The following ADRA1A variants were observed in gnomAD, a reference collection of about 807,000 sequenced individuals.
The protein encoded by ADRA1A is adrenoceptor alpha 1A.
Under a neutral mutation model 29.6 loss-of-function variants are expected in ADRA1A, and 31 were observed. The ratio of observed to expected loss-of-function variants is 1.05; its 90% CI spans 0.79 to 1.41. ADRA1A has a LOEUF of 1.41. ADRA1A is among the 40% of genes most tolerant of loss of function. The pLI, the probability that ADRA1A is intolerant of heterozygous loss-of-function variation, is 0.00. For missense variants in ADRA1A, 619 were observed against 601.1 expected, an observed-to-expected ratio of 1.03 and a Z score of -0.31; for synonymous variants, 311 against 254.3, an observed-to-expected ratio of 1.22 and a Z score of -2.12.
At position 26,866,790 on chromosome 8, in the gene ADRA1A, C is replaced by CG. The variant is rs747863054; in HGVS notation, c.-687+145dup. On this transcript the variant is annotated intron_variant, in intron 1 of 2. Coordinates refer to ENST00000380573, the MANE Select transcript of ADRA1A (RefSeq NM_000680.4). This position sits in a 1 kb window ranked among gnomAD's most constrained non-coding sequence, Gnocchi z 5.7. The stretch of plus-strand genomic sequence containing the variant: ...AACTTCGCAGAAGATGTAAGGGAAT[C>CG]GGGGGTGGGGTAGAGGGGCCGGTAT... 4.4e-4 allele frequency: 301 copies of CG among 685,944 alleles called. No homozygotes were observed. The highest frequency in any genetic ancestry group is 4.9e-4 in the Non-Finnish European group (271 of 556,134). 42.5% of individuals were successfully genotyped at this position (685,944 alleles called of 1,614,324 possible).
chr8:26,755,247 T>C (rs146642405), downstream of ADRA1A, among the ~76,000 whole-genome samples: 289 of 151,958 alleles, frequency 1.9e-3, 1 homozygote, highest in Non-Finnish European at 2.8e-3. Context: ...CACTAAGCCT[T>C]GAGAACAAAG....
chr8:26,850,064 G>T (rs1488090855), intron 2 of ADRA1A, among the ~76,000 whole-genome samples: 1 of 63,484 alleles, frequency 1.6e-5, no homozygotes, highest in Non-Finnish European at 3.3e-5. Flanking sequence ...AACAGGGCAG[G>T]TATAGGAATT....
At chr8:26,824,926 T>A (rs1810441115) in intron 2 of ADRA1A, among the ~76,000 whole-genome samples, 1 of 152,210 alleles carries the variant, frequency 6.6e-6, no homozygotes, top group Non-Finnish European at 1.5e-5. Context: ...TATGTCTGCC[T>A]CTTAATCATC....
At chr8:26,760,135 C>T (rs539909871) in intron 2 of ADRA1A, among the ~76,000 whole-genome samples, 9 of 152,326 alleles carry the variant, frequency 5.9e-5, no homozygotes, top group Admixed American at 1.3e-4. Flanking sequence ...AAATGCTCCT[C>T]GCTTCTCAGC....
chr8:26,859,149 T>G, intron 2 of ADRA1A: 1 of 1,290,248 alleles, frequency 7.8e-7, no homozygotes, highest in Non-Finnish European at 1.0e-6. Flanking sequence ...CGCAGCCTAG[T>G]GCAGACCGAC....
At chr8:26,753,117 A>G (rs1176230098), downstream of ADRA1A, among the ~76,000 whole-genome samples, 1 of 152,226 alleles carries the variant, frequency 6.6e-6, no homozygotes, top group East Asian at 1.9e-4. Context: ...CCGAAAGGGT[A>G]GCCCTGAGGC....
At chr8:26,790,673 G>T (rs181007319) in intron 2 of ADRA1A, among the ~76,000 whole-genome samples, 1 of 151,980 alleles carries the variant, frequency 6.6e-6, no homozygotes, top group Non-Finnish European at 1.5e-5. Flanking sequence ...ACTCTAATTT[G>T]ACCACTATAC....
Position 26,787,777 on chromosome 8 carries a change from GTAAGTTC to G in ADRA1A, c.884-17118_884-17112del, listed in dbSNP as rs1354111091. 6.6e-6 allele frequency among the ~76,000 whole-genome samples: 1 copy of G among 152,088 alleles called. No homozygotes were observed. The highest frequency in any genetic ancestry group is 2.4e-5 in the African/African-American group (1 of 41,412). ...TCTGTGCCTCAGTTTCCTGGCACAC[GTAAGTTC>G]AGTGTCTGGCTGTAAGCATTTGCTC... On this transcript the variant is annotated intron_variant, in intron 2 of 2. Coordinates refer to ENST00000380573, the MANE Select transcript of ADRA1A (RefSeq NM_000680.4). This position sits in a 1 kb window ranked among gnomAD's most constrained non-coding sequence, Gnocchi z 4.2.
chr8:26,760,206 T>C (rs1805426882), intron 2 of ADRA1A, among the ~76,000 whole-genome samples: 2 of 152,164 alleles, frequency 1.3e-5, no homozygotes, highest in African/African-American at 4.8e-5. Context: ...TGTGAGGCAA[T>C]ACAAGGGTCT....
At chr8:26,850,737 C>T (rs1812569533) in intron 2 of ADRA1A, among the ~76,000 whole-genome samples, 1 of 152,184 alleles carries the variant, frequency 6.6e-6, no homozygotes, top group Non-Finnish European at 1.5e-5. Flanking sequence ...AGTGATCCGC[C>T]CACCTCGGCC....
At chr8:26,832,476 C>T (rs145055875) in intron 2 of ADRA1A, among the ~76,000 whole-genome samples, 1,523 of 152,064 alleles carry the variant, frequency 0.01, 10 homozygotes, top group South Asian at 0.019. Context: ...CTACAGACAC[C>T]GTTCAGAGAA....
chr8:26,805,824 TC>T lies in ADRA1A; in HGVS notation c.884-35159del, dbSNP rs889159385. ...TGAACACATTTATTTTTAACCATTT[TC>T]CCCCCCACATAGATTTGGCATTATT... On this transcript the variant is annotated intron_variant, in intron 2 of 2. Transcript: ENST00000380573. This position sits in a 1 kb window ranked among gnomAD's most constrained non-coding sequence, Gnocchi z 4.8. Among the ~76,000 whole-genome samples the T allele has an allele frequency of 5.3e-5, 8 of 151,928 alleles. No homozygotes were observed. Among genetic ancestry groups the T allele is most frequent in the Admixed American group, 1.3e-4 (2 of 15,254 alleles).
intron 2 of ADRA1A, among the ~76,000 whole-genome samples, chr8:26,798,623 T>C (rs1808350515): frequency 6.6e-6 from 1 of 152,176 alleles, no homozygotes; most frequent in African/African-American, 2.4e-5. Context: ...CATTTGACTA[T>C]CAGGAGTCTA....
rs1809044074 is a variant in ADRA1A, at chr8:26,806,997, A to G, written c.884-36331T>C. Among the ~76,000 whole-genome samples the G allele has an allele frequency of 6.6e-6, 1 of 152,196 alleles. No individual in the cohort carries two copies. The highest frequency in any genetic ancestry group is 2.1e-4 in the South Asian group (1 of 4,834). ...AAACTTATGTCGGGGGTAAAGTGCT[A>G]TAAAAATAAACATGTTCACTGAACG... On this transcript the variant is annotated intron_variant, in intron 2 of 2. Transcript: ENST00000380573. This position sits in a 1 kb window ranked among gnomAD's most constrained non-coding sequence, Gnocchi z 4.6.
intron 2 of ADRA1A, among the ~76,000 whole-genome samples, chr8:26,850,490 A>G (rs1812547275): frequency 6.6e-6 from 1 of 151,728 alleles, no homozygotes; most frequent in Non-Finnish European, 1.5e-5. Context: ...TGTTTTGCTT[A>G]TATCTTTTTT....
chr8:26,797,657 A>G (rs1441281674), intron 2 of ADRA1A, among the ~76,000 whole-genome samples: 1 of 152,116 alleles, frequency 6.6e-6, no homozygotes, highest in Non-Finnish European at 1.5e-5. Context: ...TTTAATTTTG[A>G]ATATTGTAAA....
chr8:26,856,397 A>T (rs772563716), intron 2 of ADRA1A, among the ~76,000 whole-genome samples: 10 of 152,184 alleles, frequency 6.6e-5, no homozygotes, highest in Non-Finnish European at 1.3e-4. Flanking sequence ...TGCTGTATAA[A>T]CTCTATCATG....
chr8:26,779,456 T>A (rs1282846651), intron 2 of ADRA1A: 1 of 698,348 alleles, frequency 1.4e-6, no homozygotes, highest in East Asian at 2.7e-5. Context: ...CTTAGAACAG[T>A]AATTGATGCT....
intron 2 of ADRA1A, among the ~76,000 whole-genome samples, chr8:26,822,366 C>T (rs549149096): frequency 1.3e-5 from 2 of 152,146 alleles, no homozygotes; most frequent in Non-Finnish European, 2.9e-5. Context: ...ATTATACAAA[C>T]AAGTTCTTAG....
Sources: allele counts gnomAD v4.1 joint callset (sites outside exome capture counted in the v4.1 genomes callset), GRCh38; gene constraint gnomAD v4.1.1; non-coding constraint Gnocchi (gnomAD v3.1); transcripts MANE v1.5; gene names NCBI Gene and HGNC (gene_info 2026-07-23, HGNC 2026-07-21).